The following TAMM41 variants were observed in gnomAD, a reference collection of about 807,000 sequenced individuals.
TAMM41 encodes the protein phosphatidate cytidylyltransferase, mitochondrial.
In TAMM41, 36 loss-of-function variants were observed where a neutral mutation model predicts 44.1. That is an observed-to-expected ratio of 0.82 (90% CI 0.63 to 1.08). TAMM41 has a LOEUF of 1.08. Ranked by LOEUF, TAMM41 falls within the 50% of genes least tolerant of loss-of-function variation. TAMM41 has a pLI of 0.00. For missense variants in TAMM41, 417 were observed against 404.3 expected (o/e 1.03, Z -0.27); for synonymous variants, 164 against 153.1 (o/e 1.07, Z -0.53).
chr3:11,832,516 C>T (rs907909834), intron 3 of TAMM41, among the ~76,000 whole-genome samples: 1 of 152,096 alleles, frequency 6.6e-6, no homozygotes, highest in Non-Finnish European at 1.5e-5. Context: ...GTCCTAAAAC[C>T]AATCCCCATG....
intron 3 of TAMM41, among the ~76,000 whole-genome samples, chr3:11,834,115 G>A (rs552879048): frequency 1.3e-5 from 2 of 152,068 alleles, no homozygotes; most frequent in African/African-American, 4.8e-5. Context: ...ATGGTGGCAC[G>A]TGCCTATAGT....
chr3:11,834,937 C>T (rs1477392188), intron 3 of TAMM41, among the ~76,000 whole-genome samples: 5 of 152,196 alleles, frequency 3.3e-5, no homozygotes, highest in Non-Finnish European at 7.3e-5. Flanking sequence ...ATCCCCCTAC[C>T]TCAGCCTCCC....
intron 5 of TAMM41, among the ~76,000 whole-genome samples, chr3:11,813,816 G>A (rs927124075): frequency 1.4e-5 from 2 of 143,870 alleles, no homozygotes; most frequent in African/African-American, 5.3e-5. Flanking sequence ...CAGATCATAT[G>A]GGTACAAATA....
chr3:11,811,670 T>G (rs1389789390), intron 5 of TAMM41: 1 of 152,222 alleles, frequency 6.6e-6, no homozygotes, highest in Non-Finnish European at 1.5e-5. Flanking sequence ...AATTATTATA[T>G]GTCAACTTAA....
intron 5 of TAMM41, among the ~76,000 whole-genome samples, chr3:11,812,995 G>C (rs999089954): frequency 2.0e-5 from 3 of 152,152 alleles, no homozygotes; most frequent in African/African-American, 7.2e-5. Context: ...TCTTATTCTT[G>C]TAAGTTTCCT....
At chr3:11,784,565 T>C in the TAMM41 span, among the ~76,000 whole-genome samples, 1 of 152,168 alleles carries the variant, frequency 6.6e-6, no homozygotes, top group Non-Finnish European at 1.5e-5. Context: ...GTAATGTGTA[T>C]ATACATACTC....
intron 4 of TAMM41, among the ~76,000 whole-genome samples, chr3:11,823,829 CTTT>C (rs35092715): frequency 3.4e-5 from 4 of 117,920 alleles, no homozygotes; most frequent in Non-Finnish European, 5.0e-5. Flanking sequence ...CCATGCCCGG[CTTT>C]TTTTTTTTTT....
chr3:11,786,157 G>A (rs1286183151), downstream of TAMM41, among the ~76,000 whole-genome samples: 2 of 151,942 alleles, frequency 1.3e-5, no homozygotes, highest in Admixed American at 1.3e-4. Flanking sequence ...TTCCTGATGT[G>A]CAGCTTCTCT....
downstream of TAMM41, among the ~76,000 whole-genome samples, chr3:11,790,086 G>A (rs961322443): frequency 7.2e-5 from 11 of 152,136 alleles, no homozygotes; most frequent in African/African-American, 2.2e-4. Context: ...TGACACTTGC[G>A]AGCCCCTGCT....
chr3:11,756,019 TCCAGCTTTCCTCTG>T, the TAMM41 span, among the ~76,000 whole-genome samples: 3 of 152,136 alleles, frequency 2.0e-5, no homozygotes, highest in African/African-American at 4.8e-5. Flanking sequence ...GGATTAGAAT[TCCAGCTTTCCTCTG>T]CACTCCCTTT....
chr3:11,796,700 T>TA (rs1225395168), intron 7 of TAMM41, among the ~76,000 whole-genome samples: 1 of 151,992 alleles, frequency 6.6e-6, no homozygotes, highest in East Asian at 1.9e-4. Context: ...GAGAAGGACC[T>TA]AAAAAAGTAA....
Position 11,846,640 on chromosome 3 carries a change from G to A in TAMM41, c.-4C>T. The A allele has an allele frequency of 1.9e-6, 3 of 1,614,172 alleles. No homozygotes were observed. Among genetic ancestry groups the A allele is most frequent in the Non-Finnish European group, 2.5e-6 (3 of 1,180,026 alleles). ...TCTGCAGCGTCTGCAGCGCCATGGG[G>A]TCGAGGCTAACAGGGGACACTCAGC... On this transcript the variant is annotated 5_prime_UTR_variant, in exon 1 of 8. Transcript: ENST00000455809.
intron 6 of TAMM41, 158 bp from the exon 7 acceptor site, chr3:11,808,053 A>T: frequency 7.3e-7 from 1 of 1,364,130 alleles, no homozygotes; most frequent in East Asian, 2.5e-5. Context: ...TGAAAAGGGC[A>T]GTGGGATTGA....
the TAMM41 span, among the ~76,000 whole-genome samples, chr3:11,770,888 T>A: frequency 6.6e-6 from 1 of 152,108 alleles, no homozygotes; most frequent in Non-Finnish European, 1.5e-5. Flanking sequence ...GTCCCAGGTG[T>A]CTCTCCCCAG....
chr3:11,743,283 C>T, the TAMM41 span, among the ~76,000 whole-genome samples: 1 of 151,760 alleles, frequency 6.6e-6, no homozygotes, highest in Admixed American at 6.6e-5. Flanking sequence ...TCCCATGGTC[C>T]TCCAAACCCC....
At chr3:11,750,173 G>T in the TAMM41 span, among the ~76,000 whole-genome samples, 1 of 152,146 alleles carries the variant, frequency 6.6e-6, no homozygotes, top group Non-Finnish European at 1.5e-5. Context: ...TTGGATTACA[G>T]GCGTGAGCCA....
At chr3:11,777,299 G>C in the TAMM41 span, among the ~76,000 whole-genome samples, 1 of 152,082 alleles carries the variant, frequency 6.6e-6, no homozygotes, top group Admixed American at 6.6e-5. Context: ...AGGAAAAAAA[G>C]GTAACTATTT....
At chr3:11,813,632 G>A (rs1444775733) in intron 5 of TAMM41, among the ~76,000 whole-genome samples, 2 of 152,040 alleles carry the variant, frequency 1.3e-5, no homozygotes, top group Non-Finnish European at 2.9e-5. Flanking sequence ...CTTCCAGCCT[G>A]TATTTTAGTG....
chr3:11,734,735 A>C, the TAMM41 span, among the ~76,000 whole-genome samples: 1 of 152,122 alleles, frequency 6.6e-6, no homozygotes, highest in Non-Finnish European at 1.5e-5. Context: ...GATAATAAAC[A>C]AATTAAAAAG....
Sources: allele counts gnomAD v4.1 joint callset (sites outside exome capture counted in the v4.1 genomes callset), GRCh38; gene constraint gnomAD v4.1.1; transcripts MANE v1.5; gene names NCBI Gene and HGNC (gene_info 2026-07-23, HGNC 2026-07-21).